Variants in CSMD1 observed in about 807,000 individuals in gnomAD.
CSMD1 encodes CUB and sushi domain-containing protein 1.
In CSMD1, 213 loss-of-function variants were observed where a neutral mutation model predicts 417.5. That is an observed-to-expected ratio of 0.51 (90% CI 0.46 to 0.57). The LOEUF (loss-of-function observed/expected upper bound fraction) is 0.57. Ranked by LOEUF, CSMD1 falls within the 20% of genes least tolerant of loss-of-function variation. The pLI, the probability that CSMD1 is intolerant of heterozygous loss-of-function variation, is 0.00. For missense variants in CSMD1, 6,923 were observed against 4,529.7 expected (o/e 1.53, Z -15.17); for synonymous variants, 2,862 against 1,736.8 (o/e 1.65, Z -16.11).
intron 3 of CSMD1, among the ~76,000 whole-genome samples, chr8:4,207,597 T>G (rs1402965576): frequency 6.6e-6 from 1 of 152,164 alleles, no homozygotes; most frequent in Non-Finnish European, 1.5e-5. Flanking sequence ...AGGTTTAATA[T>G]TCAATTCAGT....
At chr8:4,708,048 A>T (rs996177357) in intron 1 of CSMD1, among the ~76,000 whole-genome samples, 2 of 152,088 alleles carry the variant, frequency 1.3e-5, no homozygotes, top group Admixed American at 6.6e-5. Context: ...GGCTCAAGTG[A>T]TCCTACTACC....
chr8:3,954,481 C>G (rs1332424742), intron 5 of CSMD1, among the ~76,000 whole-genome samples: 3 of 152,190 alleles, frequency 2.0e-5, no homozygotes, highest in African/African-American at 7.2e-5. Context: ...ATTCTGCTGC[C>G]TCAGCTTCCT....
chr8:4,951,426 A>C (rs1270666443), intron 1 of CSMD1, among the ~76,000 whole-genome samples: 1 of 151,876 alleles, frequency 6.6e-6, no homozygotes, highest in Non-Finnish European at 1.5e-5. Context: ...TTAAAAAAAA[A>C]GAAAAAGAAA....
At chr8:4,949,510 C>T (rs1808592939) in intron 1 of CSMD1, among the ~76,000 whole-genome samples, 1 of 152,162 alleles carries the variant, frequency 6.6e-6, no homozygotes, top group South Asian at 2.1e-4. Flanking sequence ...AATTCTGCCT[C>T]CCAGGGGATA....
intron 54 of CSMD1, among the ~76,000 whole-genome samples, chr8:2,992,268 T>G (rs1032256105): frequency 2.0e-5 from 3 of 151,812 alleles, no homozygotes; most frequent in African/African-American, 7.3e-5. Context: ...AGTAGGGAAA[T>G]GGGGACTGCT....
At chr8:3,192,315 G>C (rs113988289) in intron 33 of CSMD1, among the ~76,000 whole-genome samples, 1 of 152,136 alleles carries the variant, frequency 6.6e-6, no homozygotes, top group Non-Finnish European at 1.5e-5. Flanking sequence ...TTTCAGGTTT[G>C]GAATTCTTGT....
At chr8:4,408,922 T>C (rs1002975533) in intron 3 of CSMD1, among the ~76,000 whole-genome samples, 1 of 152,142 alleles carries the variant, frequency 6.6e-6, no homozygotes, top group African/African-American at 2.4e-5. Flanking sequence ...AGCAAGAACA[T>C]CAGAAATCAT....
chr8:3,777,323 T>G (rs1486281121), intron 5 of CSMD1, among the ~76,000 whole-genome samples: 2 of 152,064 alleles, frequency 1.3e-5, no homozygotes, highest in Non-Finnish European at 2.9e-5. Flanking sequence ...TGACTGATAA[T>G]CCTACTCACA....
intron 8 of CSMD1, among the ~76,000 whole-genome samples, chr8:3,588,912 G>C (rs1233387946): frequency 2.6e-5 from 4 of 152,018 alleles, no homozygotes; most frequent in Non-Finnish European, 5.9e-5. Flanking sequence ...GTAACATATG[G>C]GCAAAGGACC....
chr8:4,988,868 T>C (rs1811317903), intron 1 of CSMD1, among the ~76,000 whole-genome samples: 1 of 152,246 alleles, frequency 6.6e-6, no homozygotes, highest in Non-Finnish European at 1.5e-5. Flanking sequence ...AAGCTCCCTA[T>C]AATCAGTCAA....
intron 3 of CSMD1, among the ~76,000 whole-genome samples, chr8:4,156,073 A>G: frequency 6.6e-6 from 1 of 152,140 alleles, no homozygotes; most frequent in Non-Finnish European, 1.5e-5. Flanking sequence ...TGGAATTGGA[A>G]TAGGGCTGGC....
intron 25 of CSMD1, among the ~76,000 whole-genome samples, chr8:3,294,630 T>A (rs1475827688): frequency 3.3e-5 from 5 of 152,164 alleles, no homozygotes; most frequent in African/African-American, 9.7e-5. Context: ...ATGCACGGGA[T>A]ATAATCTCCT....
At chr8:3,517,514 G>A (rs568271249) in intron 10 of CSMD1, among the ~76,000 whole-genome samples, 3 of 152,142 alleles carry the variant, frequency 2.0e-5, no homozygotes, top group African/African-American at 7.2e-5. Flanking sequence ...AAAATGTCAG[G>A]TTCCAATGTC....
chr8:4,312,045 T>C (rs1798613322), intron 3 of CSMD1, among the ~76,000 whole-genome samples: 2 of 152,172 alleles, frequency 1.3e-5, no homozygotes, highest in South Asian at 4.1e-4. Context: ...GAAATCATTG[T>C]CATTTCTAGC....
chr8:3,681,015 A>G (rs1482330501), intron 7 of CSMD1, among the ~76,000 whole-genome samples: 2 of 152,194 alleles, frequency 1.3e-5, no homozygotes, highest in African/African-American at 4.8e-5. Flanking sequence ...CTCTCAATAA[A>G]TTAGGTATTG....
intron 1 of CSMD1, among the ~76,000 whole-genome samples, chr8:4,769,591 T>C (rs1230107618): frequency 2.0e-5 from 3 of 152,212 alleles, no homozygotes; most frequent in Non-Finnish European, 4.4e-5. Context: ...ATAAGCATTG[T>C]AAATTAATGA....
chr8:4,406,477 C>A (rs1252675326), intron 3 of CSMD1, among the ~76,000 whole-genome samples: 1 of 152,156 alleles, frequency 6.6e-6, no homozygotes, highest in Non-Finnish European at 1.5e-5. Context: ...ATCCTCTGGG[C>A]ATTAATTAGA....
chr8:4,880,113 A>G (rs558413866), intron 1 of CSMD1, among the ~76,000 whole-genome samples: 1 of 152,208 alleles, frequency 6.6e-6, no homozygotes, highest in East Asian at 1.9e-4. Context: ...ATTTCGGTCT[A>G]AGAAACTCTG....
chr8:3,972,060 A>AG (rs1174220036), intron 5 of CSMD1, among the ~76,000 whole-genome samples: 3 of 152,022 alleles, frequency 2.0e-5, no homozygotes, highest in African/African-American at 7.2e-5. Flanking sequence ...TCATAGAGAC[A>AG]GGGGCTCTGT....
Sources: gnomAD v4.1 joint callset for allele counts (sites outside exome capture counted in the v4.1 genomes callset) on GRCh38, gnomAD v4.1.1 for gene constraint, MANE v1.5 for transcripts, NCBI Gene and HGNC (gene_info 2026-07-23, HGNC 2026-07-21) for gene names.